TBC1D22A: variants seen among roughly 807,000 people sequenced by gnomAD.
TBC1D22A encodes the protein TBC1 domain family member 22A, also known as putative GTPase activator.
Under a neutral mutation model 60.2 loss-of-function variants are expected in TBC1D22A, and 38 were observed. That is an observed-to-expected ratio of 0.63 (90% CI 0.49 to 0.83). The LOEUF is 0.83. TBC1D22A is among the 40% of genes least tolerant of loss of function. The pLI is 0.00. For missense variants in TBC1D22A, 628 were observed against 701.0 expected (o/e 0.90, Z 1.18); for synonymous variants, 302 against 281.7 (o/e 1.07, Z -0.72).
intron 10 of TBC1D22A, among the ~76,000 whole-genome samples, chr22:47,000,672 C>G (rs193106592): frequency 7.2e-4 from 109 of 152,168 alleles, no homozygotes; most frequent in African/African-American, 2.3e-3. Flanking sequence ...TGAGTTCCCA[C>G]AGAATCAGAG....
intron 1 of TBC1D22A, among the ~76,000 whole-genome samples, chr22:46,791,690 C>T (rs769318157): frequency 7.9e-5 from 12 of 152,172 alleles, no homozygotes; most frequent in Non-Finnish European, 1.8e-4. Flanking sequence ...GTGTCTGCCA[C>T]GTGGGGTATT....
chr22:47,034,292 C>T (rs780203328), intron 10 of TBC1D22A, among the ~76,000 whole-genome samples: 72 of 152,156 alleles, frequency 4.7e-4, no homozygotes, highest in Admixed American at 1.2e-3. Context: ...CCTGTCCTTC[C>T]TGTCTCTGTG....
intron 10 of TBC1D22A, among the ~76,000 whole-genome samples, chr22:47,005,751 TAC>T (rs1340282208): frequency 1.3e-5 from 2 of 150,764 alleles, no homozygotes; most frequent in South Asian, 2.1e-4. Flanking sequence ...CACTCCCGTA[TAC>T]ACACACACAC....
intron 12 of TBC1D22A, among the ~76,000 whole-genome samples, chr22:47,134,861 C>T (rs542495146): frequency 5.5e-4 from 84 of 152,366 alleles, no homozygotes; most frequent in South Asian, 4.6e-3. Context: ...GGTCCTCTGC[C>T]TGGCAGGGCA....
intron 4 of TBC1D22A, among the ~76,000 whole-genome samples, chr22:46,853,241 C>A (rs953265022): frequency 2.6e-5 from 4 of 152,174 alleles, no homozygotes; most frequent in Admixed American, 2.0e-4. Context: ...AGCACCCCAG[C>A]CTGGTCATAT....
intron 12 of TBC1D22A, among the ~76,000 whole-genome samples, chr22:47,160,772 G>A (rs532777991): frequency 4.5e-4 from 69 of 152,312 alleles, no homozygotes; most frequent in Non-Finnish European, 8.1e-4. Flanking sequence ...CAAAGGGAAG[G>A]AGTATCCCAT....
intron 11 of TBC1D22A, among the ~76,000 whole-genome samples, chr22:47,104,514 G>A (rs1000128194): frequency 4.0e-5 from 6 of 151,812 alleles, no homozygotes; most frequent in Admixed American, 3.9e-4. Flanking sequence ...GACCAACATG[G>A]CGAAACCCCA....
intron 2 of TBC1D22A, 87 bp downstream of exon 2, chr22:46,792,663 C>T (rs2084465853): frequency 5.0e-6 from 8 of 1,611,516 alleles, no homozygotes; most frequent in Non-Finnish European, 5.1e-6. Context: ...CCTTCCTGCT[C>T]CCAGGCATTC....
At chr22:46,923,198 A>G (rs565563369) in intron 8 of TBC1D22A, among the ~76,000 whole-genome samples, 4 of 152,386 alleles carry the variant, frequency 2.6e-5, no homozygotes, top group African/African-American at 9.6e-5. Flanking sequence ...ATACTTGGCC[A>G]TCCCACTGTT....
intron 4 of TBC1D22A, among the ~76,000 whole-genome samples, chr22:46,831,137 G>A (rs1000451124): frequency 7.2e-5 from 11 of 152,208 alleles, no homozygotes; most frequent in Non-Finnish European, 1.6e-4. Context: ...GGTGTTGGTG[G>A]ACGAAATCAC....
At chr22:46,904,138 T>TACCTACCTACCTACCTAC (rs2069242058) in intron 7 of TBC1D22A, among the ~76,000 whole-genome samples, 5 of 55,334 alleles carry the variant, frequency 9.0e-5, no homozygotes, top group African/African-American at 3.3e-4. Context: ...TATCTATCTA[T>TACCTACCTACCTACCTAC]CTATCTACCT....
At chr22:47,082,311 G>GT (rs977278658) in intron 11 of TBC1D22A, among the ~76,000 whole-genome samples, 3 of 152,102 alleles carry the variant, frequency 2.0e-5, no homozygotes, top group Admixed American at 6.6e-5. Flanking sequence ...AATTTACAGA[G>GT]TTTTTTAAAA....
chr22:46,904,117 A>ATCTG (rs2069226807), intron 7 of TBC1D22A, among the ~76,000 whole-genome samples: 3 of 75,942 alleles, frequency 4.0e-5, no homozygotes, highest in African/African-American at 1.7e-4. Context: ...CTATCTATCT[A>ATCTG]TCTATCTATC....
chr22:47,033,213 C>G (rs1051300827), intron 10 of TBC1D22A, among the ~76,000 whole-genome samples: 4 of 152,212 alleles, frequency 2.6e-5, no homozygotes, highest in African/African-American at 9.6e-5. Context: ...GAGGTCAGGC[C>G]TGGATGGTGG....
intron 12 of TBC1D22A, among the ~76,000 whole-genome samples, chr22:47,137,189 C>T (rs1018130168): frequency 2.6e-5 from 4 of 152,188 alleles, no homozygotes; most frequent in African/African-American, 9.7e-5. Flanking sequence ...TCAGGGCAAA[C>T]ATGGTAGGAT....
intron 1 of TBC1D22A, among the ~76,000 whole-genome samples, chr22:46,775,407 T>A (rs1465477252): frequency 6.6e-6 from 1 of 152,026 alleles, no homozygotes; most frequent in African/African-American, 2.4e-5. Flanking sequence ...TTTTATAGAA[T>A]CTATGACTAT....
rs1602577902 is a variant in TBC1D22A at position 46,941,299 on chromosome 22, T to C, written c.1015+29111T>C. On this transcript the variant is annotated intron_variant, in intron 8 of 12. Coordinates refer to ENST00000337137, the MANE Select transcript of TBC1D22A (RefSeq NM_014346.5). ...CACACATATATATGTATATACACAG[T>C]CTACCCTTGAACAGCATGGGGACTG... is the stretch of plus-strand genomic sequence containing the variant. Among the ~76,000 whole-genome samples the C allele has an allele frequency of 2.7e-5, 4 of 148,594 alleles. No homozygotes were observed. The East Asian group carries it at 7.8e-4, about 29-fold the overall frequency.
At chr22:46,797,695 T>G in intron 4 of TBC1D22A, 75 bp downstream of exon 4, 3 of 1,448,022 alleles carry the variant, frequency 2.1e-6, no homozygotes, top group African/African-American at 1.4e-5. Flanking sequence ...TCTTAAAGGA[T>G]TCTATGTATG....
intron 11 of TBC1D22A, among the ~76,000 whole-genome samples, chr22:47,075,906 A>G (rs1345148231): frequency 1.3e-5 from 2 of 152,198 alleles, no homozygotes; most frequent in African/African-American, 4.8e-5. Flanking sequence ...CTACACTGAT[A>G]TCAGACAAAA....
Sources: allele counts gnomAD v4.1 joint callset (sites outside exome capture counted in the v4.1 genomes callset), GRCh38; gene constraint gnomAD v4.1.1; transcripts MANE v1.5; gene names NCBI Gene and HGNC (gene_info 2026-07-23, HGNC 2026-07-21).